MEGF9: variants seen among roughly 807,000 people sequenced by gnomAD.
MEGF9 encodes the protein multiple EGF like domains 9.
A neutral mutation model predicts 46.8 loss-of-function variants in MEGF9; 6 were observed. The ratio of observed to expected loss-of-function variants is 0.13; its 90% CI spans 0.07 to 0.25. MEGF9 has a LOEUF of 0.25. MEGF9 is among the 10% of genes least tolerant of loss of function. The pLI, the probability that MEGF9 is intolerant of heterozygous loss-of-function variation, is 1.00. For missense variants in MEGF9, 683 were observed against 792.4 expected (o/e 0.86, Z 1.66); for synonymous variants, 302 against 330.7 (o/e 0.91, Z 0.94).
chr9:120,624,855 AGAGT>A (rs973713900), intron 2 of MEGF9, among the ~76,000 whole-genome samples: 58 of 146,558 alleles, frequency 4.0e-4, no homozygotes, highest in Middle Eastern at 3.5e-3. Context: ...CTTGGGTGAC[AGAGT>A]GAGACTCCGT....
intron 2 of MEGF9, among the ~76,000 whole-genome samples, chr9:120,639,687 T>G (rs976515902): frequency 3.9e-5 from 6 of 152,192 alleles, no homozygotes; most frequent in African/African-American, 1.4e-4. Context: ...TTAGTTAATA[T>G]GTGGTAAGCA....
At chr9:120,647,172 C>T (rs2043629692) in intron 2 of MEGF9, among the ~76,000 whole-genome samples, 1 of 149,342 alleles carries the variant, frequency 6.7e-6, no homozygotes, top group Admixed American at 6.7e-5. Flanking sequence ...CATTTGACTA[C>T]AGCTGATATC....
intron 1 of MEGF9, among the ~76,000 whole-genome samples, chr9:120,709,214 C>T (rs1261989963): frequency 6.6e-6 from 1 of 152,012 alleles, no homozygotes; most frequent in Admixed American, 6.6e-5. Flanking sequence ...ATCAGGAGTT[C>T]GAGACCAGCC....
chr9:120,627,793 T>C (rs886249269), intron 2 of MEGF9, among the ~76,000 whole-genome samples: 8 of 152,134 alleles, frequency 5.3e-5, no homozygotes, highest in African/African-American at 1.4e-4. Flanking sequence ...ATTAATTCAT[T>C]TGTGGTCATT....
At chr9:120,617,156 C>T (rs2043476374) in intron 3 of MEGF9, among the ~76,000 whole-genome samples, 1 of 152,022 alleles carries the variant, frequency 6.6e-6, no homozygotes, top group Admixed American at 6.6e-5. Flanking sequence ...AGGAATGTTT[C>T]CTGAAGATGA....
chr9:120,687,068 A>G (rs1367049841), intron 1 of MEGF9, among the ~76,000 whole-genome samples: 1 of 152,204 alleles, frequency 6.6e-6, no homozygotes. Flanking sequence ...TTCCCTCCAA[A>G]AAAAATATCT....
At chr9:120,689,273 G>A (rs2043837773) in intron 1 of MEGF9, among the ~76,000 whole-genome samples, 1 of 152,130 alleles carries the variant, frequency 6.6e-6, no homozygotes, top group Admixed American at 6.6e-5. Flanking sequence ...TATCCCCAAG[G>A]CAAGGAGCAG....
chr9:120,657,938 T>C (rs1335100942), intron 2 of MEGF9, among the ~76,000 whole-genome samples: 1 of 152,126 alleles, frequency 6.6e-6, no homozygotes, highest in Non-Finnish European at 1.5e-5. Context: ...ATCAGAAGCA[T>C]TGATTATTGC....
chr9:120,648,726 T>C (rs2132316774), intron 2 of MEGF9, among the ~76,000 whole-genome samples: 1 of 152,334 alleles, frequency 6.6e-6, no homozygotes, highest in East Asian at 1.9e-4. Flanking sequence ...TTCTCAATCT[T>C]CCAGAAGTAT....
chr9:120,677,046 A>G (rs891937720), intron 1 of MEGF9, among the ~76,000 whole-genome samples: 3 of 152,058 alleles, frequency 2.0e-5, no homozygotes, highest in Non-Finnish European at 4.4e-5. Flanking sequence ...GAAGGGGAGG[A>G]GATAAGGAGC....
chr9:120,660,989 AAG>A (rs2043699434), intron 1 of MEGF9, among the ~76,000 whole-genome samples: 1 of 152,142 alleles, frequency 6.6e-6, no homozygotes, highest in Admixed American at 6.5e-5. Flanking sequence ...GACTCTTAAA[AAG>A]AGAGTTGTAA....
rs760823052 is a variant in MEGF9 at position 120,605,432 on chromosome 9, T to G, written c.1567A>C (p.Ile523Leu). Residue 523 changes from isoleucine (I) to leucine (L), a missense_variant, in exon 6 of 6, where the codon ATT becomes CTT. Transcript: ENST00000373930. This position sits in a 1 kb window ranked among gnomAD's most constrained non-coding sequence, Gnocchi z 4.0. ...FNIIILTVII[I>L]VVVLLMGFVG... ...AATCCCATTAGCAGCACCACAACAATGATGATGACTGTCAAAATGATGATG... is the reference window on the plus strand; with the variant it reads ...AATCCCATTAGCAGCACCACAACAAGGATGATGACTGTCAAAATGATGATG... 7 of 1,614,028 alleles carry G rather than the reference T, an allele frequency of 4.3e-6. No individual in the cohort carries two copies. The Admixed American group carries it at 1.0e-4, about 23-fold the overall frequency.
In MEGF9 at chr9:120,628,465, G is replaced by GTCGTTTTT. The variant is rs1306331353; in HGVS notation, c.804-5711_804-5710insAAAAACGA. On this transcript the variant is annotated intron_variant, in intron 2 of 5. Coordinates refer to ENST00000373930, the MANE Select transcript of MEGF9 (RefSeq NM_001080497.3). ...CCATATTCAGACAGAAATTCTTGTC[G>GTCGTTTTT]TTGTTTTTTTTTTTTTTTTTTTTTT... Among the ~76,000 whole-genome samples, 12 of 52,756 alleles carry GTCGTTTTT rather than the reference G, an allele frequency of 2.3e-4. 2 individuals carry two copies. Among genetic ancestry groups the GTCGTTTTT allele is most frequent in the Non-Finnish European group, 1.6e-4 (4 of 24,894 alleles). The allele number at this position is 52,756 out of a possible 152,430, so 34.6% of individuals were successfully genotyped here. A position where few individuals can be genotyped will look rare whatever the true frequency, so the allele number is the denominator to read the frequency against.
chr9:120,634,446 C>CATTTTTTTTTTTT (rs2043564658), intron 2 of MEGF9, among the ~76,000 whole-genome samples: 3 of 46,930 alleles, frequency 6.4e-5, no homozygotes, highest in Non-Finnish European at 1.2e-4. Flanking sequence ...TGTGGAATAT[C>CATTTTTTTTTTTT]TTTTTTTTTT....
chr9:120,711,586 T>C (rs141541807), intron 1 of MEGF9, among the ~76,000 whole-genome samples: 1,623 of 152,298 alleles, frequency 0.011, 31 homozygotes, highest in African/African-American at 0.034. Flanking sequence ...TGGTTGTTTA[T>C]ATTTTTTTGC....
intron 3 of MEGF9, among the ~76,000 whole-genome samples, chr9:120,613,742 G>A (rs2043459165): frequency 6.6e-6 from 1 of 152,122 alleles, no homozygotes; most frequent in Non-Finnish European, 1.5e-5. Flanking sequence ...GGGCCAGGAA[G>A]ATTCAAAGGG....
At chr9:120,639,456 C>T (rs2043592600) in intron 2 of MEGF9, among the ~76,000 whole-genome samples, 2 of 145,582 alleles carry the variant, frequency 1.4e-5, no homozygotes, top group Non-Finnish European at 3.0e-5. Flanking sequence ...TGCAATGAGC[C>T]GAGATTGTGC....
chr9:120,647,303 C>T (rs1326261416), intron 2 of MEGF9, among the ~76,000 whole-genome samples: 1 of 152,166 alleles, frequency 6.6e-6, no homozygotes, highest in Non-Finnish European at 1.5e-5. Flanking sequence ...ATTATTTACA[C>T]TTAAATCCCA....
chr9:120,616,677 C>CAAAAAAAAAAAAAAAAAA (rs60170268), intron 3 of MEGF9, among the ~76,000 whole-genome samples: 1 of 94,408 alleles, frequency 1.1e-5, no homozygotes, highest in Non-Finnish European at 2.2e-5. Context: ...GACTCTGTCT[C>CAAAAAAAAAAAAAAAAAA]AAAAAAAAAA....
Sources: allele counts gnomAD v4.1 joint callset (sites outside exome capture counted in the v4.1 genomes callset), GRCh38; gene constraint gnomAD v4.1.1; non-coding constraint Gnocchi (gnomAD v3.1); transcripts MANE v1.5; gene names NCBI Gene and HGNC (gene_info 2026-07-23, HGNC 2026-07-21).